CABCOCO1: variants seen among roughly 807,000 people sequenced by gnomAD.
The protein encoded by CABCOCO1 is ciliary-associated calcium-binding coiled-coil protein 1.
CABCOCO1 carries 28 observed loss-of-function variants against 35.7 expected under a neutral mutation model. The ratio of observed to expected loss-of-function variants is 0.78; its 90% confidence interval spans 0.58 to 1.07. CABCOCO1 has a LOEUF of 1.07. Ranked by LOEUF, CABCOCO1 falls within the 50% of genes least tolerant of loss-of-function variation. The pLI is 0.00. For synonymous variants in CABCOCO1, 95 were observed against 100.1 expected (o/e 0.95, Z 0.30); for missense variants, 326 against 309.2 (o/e 1.05, Z -0.41).
intron 5 of CABCOCO1, among the ~76,000 whole-genome samples, chr10:61,748,380 T>G (rs1043042679): frequency 5.3e-5 from 8 of 152,206 alleles, no homozygotes; most frequent in African/African-American, 1.4e-4. Flanking sequence ...GAGAGTTTTG[T>G]TTAGCATTGT....
intron 7 of CABCOCO1, among the ~76,000 whole-genome samples, chr10:61,762,780 T>A (rs1437946041): frequency 4.6e-5 from 7 of 152,056 alleles, no homozygotes; most frequent in Non-Finnish European, 1.5e-5. Context: ...TAGTTCTAAT[T>A]CCAGCGTTAT....
At chr10:61,720,917 C>CTTTTTTTTTTTTTTTATTTTTTTT (rs1840993872) in intron 5 of CABCOCO1, among the ~76,000 whole-genome samples, 1 of 65,974 alleles carries the variant, frequency 1.5e-5, no homozygotes, top group Non-Finnish European at 3.0e-5. Context: ...TCTTTTCATT[C>CTTTTTTTTTTTTTTTATTTTTTTT]TTTTTTTTTT....
intron 5 of CABCOCO1, among the ~76,000 whole-genome samples, chr10:61,705,380 G>A (rs1176704602): frequency 6.6e-6 from 1 of 152,150 alleles, no homozygotes; most frequent in East Asian, 1.9e-4. Flanking sequence ...GATTATCAAG[G>A]TATTTATTGA....
rs566473819 is a variant in CABCOCO1, at chr10:61,706,001, TA to T, written c.552+15381del. Among the ~76,000 whole-genome samples, 267 of 152,368 alleles carry T rather than the reference TA, an allele frequency of 1.8e-3. 1 individual carries two copies. The highest frequency in any genetic ancestry group is 6.2e-3 in the African/African-American group (256 of 41,586). On this transcript the variant is annotated intron_variant, in intron 5 of 7. Coordinates refer to ENST00000648843, the MANE Select transcript of CABCOCO1 (RefSeq NM_001366906.2). ...TATTTTTCAGTTAAGCAGCATGTGA[TA>T]TTGATTATCTACAGAAGTTTCAACA...
chr10:61,676,050 G>A (rs780594379), intron 2 of CABCOCO1, among the ~76,000 whole-genome samples: 7 of 152,122 alleles, frequency 4.6e-5, no homozygotes, highest in Non-Finnish European at 7.4e-5. Context: ...AAAATAACAG[G>A]CCTCAGACTT....
chr10:61,762,504 G>A (rs1053769252), intron 7 of CABCOCO1, among the ~76,000 whole-genome samples: 2 of 152,066 alleles, frequency 1.3e-5, no homozygotes, highest in Non-Finnish European at 2.9e-5. Context: ...TCCATAGTAA[G>A]TGGATTTGTA....
intron 5 of CABCOCO1, among the ~76,000 whole-genome samples, chr10:61,736,310 CTT>C (rs1417234624): frequency 6.6e-6 from 1 of 151,990 alleles, no homozygotes; most frequent in Non-Finnish European, 1.5e-5. Flanking sequence ...CTTGAGTTGA[CTT>C]TTATATATGG....
chr10:61,765,921 T>A lies in CABCOCO1; in HGVS notation c.817-18T>A. 1.2e-6 allele frequency: 2 copies of A among 1,607,914 alleles called. No individual in the cohort carries two copies. Among genetic ancestry groups the A allele is most frequent in the Non-Finnish European group, 1.7e-6 (2 of 1,175,538 alleles). ...GATAGCTCCATCATAACCACGTTTT[T>A]TATGATTGTCTTCACAGACCGAGAT... On this transcript the variant is annotated intron_variant, in intron 7 of 7. Transcript: ENST00000648843.
intron 5 of CABCOCO1, among the ~76,000 whole-genome samples, chr10:61,694,257 G>A (rs886598871): frequency 2.7e-5 from 4 of 147,986 alleles, no homozygotes; most frequent in Non-Finnish European, 6.0e-5. Context: ...CCTGGAAGAT[G>A]GAGGAAGAGG....
At chr10:61,726,552 T>A (rs1288375898) in intron 5 of CABCOCO1, among the ~76,000 whole-genome samples, 1 of 152,088 alleles carries the variant, frequency 6.6e-6, no homozygotes, top group African/African-American at 2.4e-5. Context: ...TTACTACTTG[T>A]ATTGCTTGAA....
At chr10:61,697,585 G>A (rs560266292) in intron 5 of CABCOCO1, among the ~76,000 whole-genome samples, 1 of 152,060 alleles carries the variant, frequency 6.6e-6, no homozygotes, top group East Asian at 1.9e-4. Flanking sequence ...GTAGTTGGGT[G>A]GAAATAGGAA....
At chr10:61,667,676 G>C (rs1275679336) in intron 1 of CABCOCO1, among the ~76,000 whole-genome samples, 1 of 151,580 alleles carries the variant, frequency 6.6e-6, no homozygotes, top group Non-Finnish European at 1.5e-5. Flanking sequence ...TTTCTAATTA[G>C]CTTCTTGTAT....
intron 5 of CABCOCO1, among the ~76,000 whole-genome samples, chr10:61,715,112 T>G (rs929289935): frequency 6.6e-6 from 1 of 152,136 alleles, no homozygotes; most frequent in Non-Finnish European, 1.5e-5. Flanking sequence ...GACAGTGGGG[T>G]GTTAAAGTGT....
At chr10:61,699,676 G>A (rs1250450088) in intron 5 of CABCOCO1, among the ~76,000 whole-genome samples, 1 of 151,906 alleles carries the variant, frequency 6.6e-6, no homozygotes, top group East Asian at 1.9e-4. Context: ...GAGAGAAGAA[G>A]GAAGGAATAA....
intron 5 of CABCOCO1, among the ~76,000 whole-genome samples, chr10:61,709,597 A>G (rs1463220741): frequency 6.6e-6 from 1 of 151,688 alleles, no homozygotes. Flanking sequence ...AATGCCAATA[A>G]CCACTAAATC....
intron 1 of CABCOCO1, among the ~76,000 whole-genome samples, chr10:61,667,757 T>A (rs1330060025): frequency 2.6e-5 from 4 of 151,906 alleles, no homozygotes; most frequent in Admixed American, 6.6e-5. Flanking sequence ...TAGTAATAAC[T>A]TTTTTGTTAG....
At chr10:61,715,471 G>T (rs1020432633) in intron 5 of CABCOCO1, among the ~76,000 whole-genome samples, 3 of 152,056 alleles carry the variant, frequency 2.0e-5, no homozygotes, top group African/African-American at 7.2e-5. Flanking sequence ...TATCCAATCT[G>T]CCAGTCTGTG....
chr10:61,687,397 A>G (rs761575263), intron 4 of CABCOCO1, among the ~76,000 whole-genome samples: 6 of 152,180 alleles, frequency 3.9e-5, no homozygotes, highest in Non-Finnish European at 8.8e-5. Flanking sequence ...GGGCAGAGGA[A>G]TTCTACTTTG....
intron 1 of CABCOCO1, among the ~76,000 whole-genome samples, chr10:61,670,497 A>G (rs1018291904): frequency 3.3e-5 from 5 of 152,208 alleles, no homozygotes; most frequent in Admixed American, 2.6e-4. Context: ...AATGTAGCAC[A>G]ATAACCTAAT....
Sources: gnomAD v4.1 joint callset for allele counts (sites outside exome capture counted in the v4.1 genomes callset) on GRCh38, gnomAD v4.1.1 for gene constraint, MANE v1.5 for transcripts, NCBI Gene and HGNC (gene_info 2026-07-23, HGNC 2026-07-21) for gene names.